Variants in CSMD1 observed in about 807,000 individuals in gnomAD.
CSMD1 encodes CUB and sushi domain-containing protein 1.
In CSMD1, 213 loss-of-function variants were observed where a neutral mutation model predicts 417.5. The ratio of observed to expected loss-of-function variants is 0.51; its 90% confidence interval spans 0.46 to 0.57. CSMD1 has a LOEUF of 0.57. Ranked by LOEUF, CSMD1 falls within the 20% of genes least tolerant of loss-of-function variation. CSMD1 has a pLI of 0.00. For missense variants in CSMD1, 6,923 were observed against 4,529.7 expected (o/e 1.53, Z -15.17); for synonymous variants, 2,862 against 1,736.8 (o/e 1.65, Z -16.11).
At chr8:3,400,839 A>G (rs1296539787) in intron 15 of CSMD1, among the ~76,000 whole-genome samples, 1 of 151,272 alleles carries the variant, frequency 6.6e-6, no homozygotes, top group Non-Finnish European at 1.5e-5. Context: ...AATAAGTTGC[A>G]ATTGTTATTT....
chr8:3,152,228 C>A (rs1244155224), intron 39 of CSMD1, among the ~76,000 whole-genome samples: 1 of 152,200 alleles, frequency 6.6e-6, no homozygotes, highest in Non-Finnish European at 1.5e-5. Flanking sequence ...ACATGTTTTG[C>A]TACTGTATCT....
chr8:3,540,809 G>T (rs928793986), intron 10 of CSMD1, among the ~76,000 whole-genome samples: 1 of 152,104 alleles, frequency 6.6e-6, no homozygotes, highest in Non-Finnish European at 1.5e-5. Flanking sequence ...AAGTAAAGAA[G>T]TGCAAATCAA....
intron 1 of CSMD1, among the ~76,000 whole-genome samples, chr8:4,866,732 C>T (rs1392427317): frequency 2.0e-5 from 3 of 151,888 alleles, no homozygotes; most frequent in Non-Finnish European, 2.9e-5. Flanking sequence ...AATTTTCAAC[C>T]TCGATCGTTC....
At chr8:3,099,247 C>T (rs1815561471) in intron 46 of CSMD1, among the ~76,000 whole-genome samples, 1 of 152,170 alleles carries the variant, frequency 6.6e-6, no homozygotes, top group South Asian at 2.1e-4. Flanking sequence ...CATAAATAAA[C>T]TTTACCTACA....
At chr8:4,077,295 G>GTACATATATATATA (rs1253192594) in intron 3 of CSMD1, among the ~76,000 whole-genome samples, 11 of 88,908 alleles carry the variant, frequency 1.2e-4, no homozygotes, top group African/African-American at 4.7e-4. Context: ...ATATATATAT[G>GTACATATATATATA]TGTATATATA....
At chr8:4,385,977 T>A (rs938340397) in intron 3 of CSMD1, among the ~76,000 whole-genome samples, 52 of 151,608 alleles carry the variant, frequency 3.4e-4, no homozygotes, top group African/African-American at 1.2e-3. Context: ...CATCTTTCCT[T>A]TAAGTTCATT....
intron 1 of CSMD1, among the ~76,000 whole-genome samples, chr8:4,904,887 T>C (rs540417242): frequency 6.6e-6 from 1 of 152,316 alleles, no homozygotes; most frequent in East Asian, 1.9e-4. Context: ...TCATTTATTT[T>C]CCAATGAAAA....
intron 1 of CSMD1, among the ~76,000 whole-genome samples, chr8:4,795,906 T>C (rs918153012): frequency 6.6e-6 from 1 of 152,180 alleles, no homozygotes; most frequent in Non-Finnish European, 1.5e-5. Flanking sequence ...ACTGAAAATA[T>C]TGCCACTAAG....
intron 5 of CSMD1, among the ~76,000 whole-genome samples, chr8:3,862,357 C>A (rs1804774097): frequency 6.6e-6 from 1 of 152,082 alleles, no homozygotes; most frequent in African/African-American, 2.4e-5. Flanking sequence ...TTTGCTTCCT[C>A]AGATTTATCC....
At chr8:3,266,271 CG>C (rs1563203467) in intron 26 of CSMD1, among the ~76,000 whole-genome samples, 1 of 150,938 alleles carries the variant, frequency 6.6e-6, no homozygotes, top group Admixed American at 6.6e-5. Flanking sequence ...GGTTGTAAGG[CG>C]GAAAGGCAGT....
At chr8:4,323,822 T>A (rs1799405497) in intron 3 of CSMD1, among the ~76,000 whole-genome samples, 1 of 152,158 alleles carries the variant, frequency 6.6e-6, no homozygotes, top group Non-Finnish European at 1.5e-5. Flanking sequence ...CAGCTCCTAA[T>A]AACCTCCTCC....
chr8:3,569,893 C>T (rs1799875475), intron 10 of CSMD1, among the ~76,000 whole-genome samples: 1 of 152,074 alleles, frequency 6.6e-6, no homozygotes, highest in Non-Finnish European at 1.5e-5. Context: ...CTGAACATTT[C>T]TCCGAGATAA....
chr8:2,960,600 G>A (rs1160764732), intron 62 of CSMD1, among the ~76,000 whole-genome samples: 4 of 152,228 alleles, frequency 2.6e-5, no homozygotes, highest in East Asian at 3.9e-4. Context: ...TCAAATGAAC[G>A]TTCCAAAATG....
intron 1 of CSMD1, among the ~76,000 whole-genome samples, chr8:4,856,536 A>G (rs527424047): frequency 2.9e-5 from 4 of 139,734 alleles, no homozygotes; most frequent in Admixed American, 2.1e-4. Flanking sequence ...ACGTGCAGAG[A>G]CACACATAGG....
At chr8:4,035,891 AC>A (rs746644682) in intron 3 of CSMD1, among the ~76,000 whole-genome samples, 22 of 152,102 alleles carry the variant, frequency 1.4e-4, no homozygotes, top group Admixed American at 8.5e-4. Flanking sequence ...CTTCACAGTC[AC>A]CCCTCACTCA....
chr8:3,954,513 C>A (rs1253777554), intron 5 of CSMD1, among the ~76,000 whole-genome samples: 1 of 152,104 alleles, frequency 6.6e-6, no homozygotes, highest in Non-Finnish European at 1.5e-5. Flanking sequence ...ATTACAGGCA[C>A]CCACCACCAC....
At chr8:4,936,444 T>A (rs6982082) in intron 1 of CSMD1, among the ~76,000 whole-genome samples, 46,019 of 152,100 alleles carry the variant, frequency 0.3, 7,173 homozygotes, top group South Asian at 0.41. Flanking sequence ...ATAGAAGGAT[T>A]TTTGTCCAGA....
At chr8:4,506,887 G>A (rs974265838) in intron 2 of CSMD1, among the ~76,000 whole-genome samples, 4 of 152,076 alleles carry the variant, frequency 2.6e-5, no homozygotes, top group Non-Finnish European at 5.9e-5. Flanking sequence ...TAAATAATTA[G>A]GGAGCATTTA....
chr8:4,632,597 G>C (rs535333180), intron 2 of CSMD1, among the ~76,000 whole-genome samples: 6 of 152,056 alleles, frequency 3.9e-5, no homozygotes, highest in Non-Finnish European at 7.3e-5. Context: ...AGCCTCAGAG[G>C]ATTATGTTCT....
Sources: gnomAD v4.1 joint callset for allele counts (sites outside exome capture counted in the v4.1 genomes callset) on GRCh38, gnomAD v4.1.1 for gene constraint, MANE v1.5 for transcripts, NCBI Gene and HGNC (gene_info 2026-07-23, HGNC 2026-07-21) for gene names.